The following PLXNA4 variants were observed in gnomAD, a reference collection of about 807,000 sequenced individuals.
The protein encoded by PLXNA4 is plexin-A4.
A neutral mutation model predicts 191.8 loss-of-function variants in PLXNA4; 44 were observed. The observed-to-expected ratio is 0.23, with a 90% CI of 0.18 to 0.29. PLXNA4 has a LOEUF of 0.29. PLXNA4 is among the 10% of genes least tolerant of loss of function. The pLI is 1.00. For synonymous variants in PLXNA4, 1,082 were observed against 1,009.5 expected (o/e 1.07, Z -1.36); for missense variants, 1,800 against 2,488.8 (o/e 0.72, Z 5.89).
rs779287836 is a variant in PLXNA4, at chr7:132,147,972, C to G, written c.4792G>C (p.Val1598Leu). The G allele has an allele frequency of 6.2e-7, 1 of 1,614,174 alleles. No homozygotes were observed. The highest frequency in any genetic ancestry group is 8.5e-7 in the Non-Finnish European group (1 of 1,180,036). Residue 1598 changes from valine (V) to leucine (L), a missense_variant, in exon 27 of 32, where the codon GTG becomes CTG. By Grantham distance (32) the Val-to-Leu change is conservative (BLOSUM62 1). Coordinates refer to ENST00000321063, the MANE Select transcript of PLXNA4 (RefSeq NM_020911.2). ...QVPDGSVVAL[V>L]SKQVTAYNAV... is the part of the protein sequence containing the mutation. ...TTATAGGCTGTCACCTGCTTGGACA[C>G]TAATGCCACCACGGAACCATCTGGC...
At chr7:132,156,610 G>A (rs538870182) in intron 25 of PLXNA4, among the ~76,000 whole-genome samples, 2 of 152,340 alleles carry the variant, frequency 1.3e-5, no homozygotes, top group South Asian at 2.1e-4. Context: ...GGAGAAAGTC[G>A]GGGGGCATGC....
At chr7:132,270,772 G>A (rs2116324870) in intron 4 of PLXNA4, among the ~76,000 whole-genome samples, 1 of 152,344 alleles carries the variant, frequency 6.6e-6, no homozygotes, top group African/African-American at 2.4e-5. Flanking sequence ...ATCATTTAAA[G>A]TGCCTACACA....
chr7:132,640,744 C>T (rs1803724881), intron 2 of PLXNA4, among the ~76,000 whole-genome samples: 1 of 150,278 alleles, frequency 6.7e-6, no homozygotes, highest in Non-Finnish European at 1.5e-5. Flanking sequence ...ACACTATTGA[C>T]CTTGTGACAC....
intron 1 of PLXNA4, among the ~76,000 whole-genome samples, chr7:132,535,689 G>T (rs1172481556): frequency 2.0e-5 from 3 of 152,038 alleles, no homozygotes; most frequent in Non-Finnish European, 2.9e-5. Context: ...AGGTCCTTTT[G>T]TTCCCAGGCT....
intron 3 of PLXNA4, among the ~76,000 whole-genome samples, chr7:132,431,159 G>A (rs781600352): frequency 2.6e-5 from 4 of 152,194 alleles, no homozygotes; most frequent in Non-Finnish European, 4.4e-5. Flanking sequence ...CATGTGAAGT[G>A]CTTACCCTCG....
intron 3 of PLXNA4, among the ~76,000 whole-genome samples, chr7:132,424,996 C>T (rs277469): frequency 0.016 from 2,462 of 152,272 alleles, 35 homozygotes; most frequent in African/African-American, 0.039. Flanking sequence ...CTGCCCCGCC[C>T]TACCCCAGCT....
intron 3 of PLXNA4, among the ~76,000 whole-genome samples, chr7:132,459,530 G>A (rs1796424201): frequency 6.6e-6 from 1 of 152,168 alleles, no homozygotes; most frequent in African/African-American, 2.4e-5. Flanking sequence ...GCGGAGGTTA[G>A]AGATGCCGGA....
intron 3 of PLXNA4, among the ~76,000 whole-genome samples, chr7:132,417,857 C>A (rs912086734): frequency 6.6e-6 from 1 of 152,112 alleles, no homozygotes; most frequent in South Asian, 2.1e-4. Context: ...GGTCTCTGTT[C>A]TCTTTCTCTC....
At position 132,129,145 on chromosome 7, in the gene PLXNA4, T is replaced by C. The variant is rs1794857679; in HGVS notation, c.*1334A>G. On this transcript the variant is annotated 3_prime_UTR_variant, in exon 32 of 32. Coordinates refer to ENST00000321063, the MANE Select transcript of PLXNA4 (RefSeq NM_020911.2). ...CCAGCCAGGCCCATCAGCTCGACTC[T>C]TTGTCCCTCCCAGATCTGACAAGCT... is the stretch of plus-strand genomic sequence containing the variant. 6.6e-6 allele frequency: 1 copy of C among 152,238 alleles called. No individual in the cohort carries two copies. Among genetic ancestry groups the C allele is most frequent in the South Asian group, 2.1e-4 (1 of 4,830 alleles). The allele number at this position is 152,238 out of a possible 1,614,324, so 9.4% of individuals were successfully genotyped here. A position where few individuals can be genotyped will look rare whatever the true frequency, so the allele number is the denominator to read the frequency against.
intron 3 of PLXNA4, among the ~76,000 whole-genome samples, chr7:132,300,011 C>T (rs375191733): frequency 7.2e-5 from 11 of 152,174 alleles, no homozygotes; most frequent in African/African-American, 1.9e-4. Flanking sequence ...TTGGTGACAT[C>T]GCTGAGCCAC....
chr7:132,498,242 ATAAAT>A (rs973196250), intron 2 of PLXNA4, among the ~76,000 whole-genome samples: 118 of 152,304 alleles, frequency 7.7e-4, no homozygotes, highest in African/African-American at 2.7e-3. Flanking sequence ...TGCCTAACTG[ATAAAT>A]TAAAGTTTAT....
intron 2 of PLXNA4, among the ~76,000 whole-genome samples, chr7:132,618,652 C>T (rs1442121933): frequency 6.6e-6 from 1 of 152,152 alleles, no homozygotes; most frequent in Non-Finnish European, 1.5e-5. Flanking sequence ...TTTTGTAATG[C>T]AAGATTGTGA....
At chr7:132,256,312 A>G (rs988299099) in intron 4 of PLXNA4, among the ~76,000 whole-genome samples, 8 of 152,228 alleles carry the variant, frequency 5.3e-5, no homozygotes, top group African/African-American at 1.9e-4. Flanking sequence ...CAGGGCAGGT[A>G]GCATGCCATA....
At chr7:132,228,600 T>A (rs943039170) in intron 5 of PLXNA4, 131 bp from the exon 6 acceptor site, 30 of 1,198,758 alleles carry the variant, frequency 2.5e-5, no homozygotes, top group Non-Finnish European at 3.4e-5. Context: ...GCTAACCTTT[T>A]TGTGTCCTTC....
intron 3 of PLXNA4, among the ~76,000 whole-genome samples, chr7:132,407,710 T>C (rs145216596): frequency 6.6e-6 from 1 of 152,368 alleles, no homozygotes; most frequent in East Asian, 1.9e-4. Context: ...TGGGGCCAAT[T>C]CTTTTGCTTT....
chr7:132,179,054 ACACG>A (rs55913621), intron 20 of PLXNA4, among the ~76,000 whole-genome samples: 33,310 of 104,036 alleles, frequency 0.32, 7,374 homozygotes, highest in South Asian at 0.43. Context: ...ACACACACAC[ACACG>A]GCCTCCAGCA....
chr7:132,253,730 T>G (rs989718124), intron 4 of PLXNA4, among the ~76,000 whole-genome samples: 1 of 152,106 alleles, frequency 6.6e-6, no homozygotes, highest in Non-Finnish European at 1.5e-5. Context: ...AGTCATTGTT[T>G]GGCAATGCCT....
chr7:132,440,267 T>A (rs1415583582), intron 3 of PLXNA4, among the ~76,000 whole-genome samples: 1 of 152,208 alleles, frequency 6.6e-6, no homozygotes, highest in African/African-American at 2.4e-5. Flanking sequence ...TTCTTTGAGG[T>A]TGCTGCCTCT....
intron 2 of PLXNA4, among the ~76,000 whole-genome samples, chr7:132,603,861 G>C (rs1222548126): frequency 1.3e-5 from 1 of 74,766 alleles, no homozygotes; most frequent in Non-Finnish European, 4.6e-5. Context: ...TTCTGGCCTT[G>C]AGCAAATCAC....
Sources: gnomAD v4.1 joint callset for allele counts (sites outside exome capture counted in the v4.1 genomes callset) on GRCh38, gnomAD v4.1.1 for gene constraint, MANE v1.5 for transcripts, NCBI Gene and HGNC (gene_info 2026-07-23, HGNC 2026-07-21) for gene names.